ASPSCR1: variants seen among roughly 807,000 people sequenced by gnomAD.
The protein encoded by ASPSCR1 is ASPSCR1 tether for SLC2A4, UBX domain containing.
Under a neutral mutation model 68.9 loss-of-function variants are expected in ASPSCR1, and 55 were observed. That is an observed-to-expected ratio of 0.80 (90% CI 0.64 to 1.00). The LOEUF is 1.00. ASPSCR1 is among the 50% of genes least tolerant of loss of function. The probability of loss-of-function intolerance (pLI) is 0.00; values close to 1 mark genes in which losing one functional copy is unlikely to be tolerated. For missense variants in ASPSCR1, 765 were observed against 762.2 expected, an observed-to-expected ratio of 1.00 and a Z score of -0.04; for synonymous variants, 352 against 332.6, an observed-to-expected ratio of 1.06 and a Z score of -0.63.
At position 81,983,315 on chromosome 17, in the gene ASPSCR1, C is replaced by T. The variant is rs1173426256; in HGVS notation, c.159-239C>T. On this transcript the variant is annotated intron_variant, in intron 2 of 15. Transcript: ENST00000306739. The surrounding 1 kb of genome is among the most constrained non-coding windows in gnomAD (Gnocchi z 4.4). ...GAAGGAGCAGCCCCCTCGGCGTGCA[C>T]CGAGGCCCACATCTCCCTTTTTCCT... is the stretch of plus-strand genomic sequence containing the variant. Among the ~76,000 whole-genome samples, 1 of 152,186 alleles carries T rather than the reference C, an allele frequency of 6.6e-6. No homozygotes were observed. The highest frequency in any genetic ancestry group is 2.4e-5 in the African/African-American group (1 of 41,452).
chr17:81,996,307 C>T (rs2042335610), intron 6 of ASPSCR1, 113 bp from the exon 7 acceptor site: 1 of 1,464,522 alleles, frequency 6.8e-7, no homozygotes, highest in Admixed American at 2.6e-5. Flanking sequence ...AGAGGGTGAA[C>T]CGGGGGCGGG....
rs2042352098 is a variant in ASPSCR1 at position 81,996,646 on chromosome 17, T to C, written c.733T>C (p.Phe245Leu). Residue 245 changes from phenylalanine (F) to leucine (L), a missense_variant, in exon 7 of 16, where the codon TTC becomes CTC. Phe to Leu is a conservative substitution (Grantham distance 22, BLOSUM62 0). Coordinates refer to ENST00000306739, the MANE Select transcript of ASPSCR1 (RefSeq NM_024083.4). ...RAPAAAPFVPFSGGGQRLGGP... is the reference protein window; with the variant it reads ...RAPAAAPFVPLSGGGQRLGGP... Reference sequence around the variant, plus strand: ...ACCCGCAGCTGCCCCCTTTGTTCCTTTCTCGGGTGGGGGACAGAGACTGGG... The same window carrying C: ...ACCCGCAGCTGCCCCCTTTGTTCCTCTCTCGGGTGGGGGACAGAGACTGGG... 1 of 1,612,722 alleles carries C rather than the reference T, an allele frequency of 6.2e-7. No individual in the cohort carries two copies. Among genetic ancestry groups the C allele is most frequent in the Admixed American group, 1.7e-5 (1 of 59,798 alleles).
In ASPSCR1 at chr17:81,983,345, C is replaced by T. The variant is rs1008469062; in HGVS notation, c.159-209C>T. On this transcript the variant is annotated intron_variant, in intron 2 of 15. Transcript: ENST00000306739. This position sits in a 1 kb window ranked among gnomAD's most constrained non-coding sequence, Gnocchi z 4.4. Reference sequence around the variant, plus strand: ...GCCCACATCTCCCTTTTTCCTGCTCCCTTCTGCTTGCAGGAGGCCCCATAT... The same window carrying T: ...GCCCACATCTCCCTTTTTCCTGCTCTCTTCTGCTTGCAGGAGGCCCCATAT... Among the ~76,000 whole-genome samples the T allele has an allele frequency of 2.0e-5, 3 of 152,086 alleles. No homozygotes were observed. The highest frequency in any genetic ancestry group is 7.2e-5 in the African/African-American group (3 of 41,420).
intron 2 of ASPSCR1, among the ~76,000 whole-genome samples, chr17:81,979,651 A>G (rs1314018783): frequency 6.6e-6 from 1 of 151,958 alleles, no homozygotes; most frequent in Non-Finnish European, 1.5e-5. Context: ...GAGGACATTG[A>G]CCCATCTTTT....
intron 10 of ASPSCR1, 48 bp from the exon 11 acceptor site, chr17:82,011,491 CGGGG>C: frequency 6.5e-7 from 1 of 1,530,714 alleles, no homozygotes; most frequent in Non-Finnish European, 8.8e-7. Context: ...TGGGGCAGCC[CGGGG>C]CTGGCGTGGT....
In ASPSCR1 at chr17:82,009,531, G is replaced by A. The variant is rs776101192; in HGVS notation, c.1134G>A (p.Glu378=). Residue 378 remains glutamate (E), a synonymous_variant, in exon 9 of 16, where the codon GAG becomes GAA. Coordinates refer to ENST00000306739, the MANE Select transcript of ASPSCR1 (RefSeq NM_024083.4). ...EAPLVTKAFR[E]AQIKEKLERY... is the part of the protein sequence containing the mutation. ...CCTTGGTGACCAAGGCCTTCAGGGAGGCGCAGATAAAGGAGAAGCTGGAGC... is the reference window on the plus strand; with the variant it reads ...CCTTGGTGACCAAGGCCTTCAGGGAAGCGCAGATAAAGGAGAAGCTGGAGC... 11 of 1,587,390 alleles carry A rather than the reference G, an allele frequency of 6.9e-6. No homozygotes were observed. Among genetic ancestry groups the A allele is most frequent in the Non-Finnish European group, 9.4e-6 (11 of 1,167,048 alleles).
intron 7 of ASPSCR1, chr17:82,008,716 GGA>G (rs2042806814): frequency 3.4e-6 from 1 of 293,818 alleles, no homozygotes; most frequent in Admixed American, 5.2e-5. Context: ...TCCCCCCCAT[GGA>G]GACCCTGACG....
chr17:82,002,911 G>A (rs1306466690), intron 7 of ASPSCR1, among the ~76,000 whole-genome samples: 1 of 148,768 alleles, frequency 6.7e-6, no homozygotes, highest in Non-Finnish European at 1.5e-5. Context: ...GTCTGTCTAT[G>A]TTGCCTAGCC....
In ASPSCR1 at chr17:81,977,771, G is replaced by T; in HGVS notation, c.102+23G>T. ...CAGGTGCGGCCGCCCGCCCGGGGCGGACGGGTAGGCGGGCGGGGGGCGCTG... is the reference window on the plus strand; with the variant it reads ...CAGGTGCGGCCGCCCGCCCGGGGCGTACGGGTAGGCGGGCGGGGGGCGCTG... On this transcript the variant is annotated intron_variant, in intron 1 of 15. Transcript: ENST00000306739. This position sits in a 1 kb window ranked among gnomAD's most constrained non-coding sequence, Gnocchi z 5.0. 1 of 1,215,886 alleles carries T rather than the reference G, an allele frequency of 8.2e-7. No individual in the cohort carries two copies. The highest frequency in any genetic ancestry group is 3.9e-5 in the South Asian group (1 of 25,924). The allele number at this position is 1,215,886 out of a possible 1,614,324, so 75.3% of individuals were successfully genotyped here.
chr17:82,008,905 C>T, intron 7 of ASPSCR1, 132 bp from the exon 8 acceptor site: 2 of 1,298,346 alleles, frequency 1.5e-6, no homozygotes, highest in Non-Finnish European at 2.0e-6. Context: ...TGGCCCTGCG[C>T]TGGCCGGGGC....
intron 7 of ASPSCR1, among the ~76,000 whole-genome samples, chr17:82,001,894 C>T (rs1174888262): frequency 2.6e-5 from 4 of 152,082 alleles, no homozygotes; most frequent in South Asian, 4.2e-4. Flanking sequence ...CAGTGACACA[C>T]GCCTGCCACA....
chr17:82,009,552 G>A lies in ASPSCR1; in HGVS notation c.1155G>A (p.Leu385=), dbSNP rs751430083. The A allele has an allele frequency of 5.2e-6, 7 of 1,339,510 alleles. No homozygotes were observed. The highest frequency in any genetic ancestry group is 5.8e-6 in the Non-Finnish European group (6 of 1,034,162). The allele number at this position is 1,339,510 out of a possible 1,614,324, so 83.0% of individuals were successfully genotyped here. A position where few individuals can be genotyped will look rare whatever the true frequency, so the allele number is the denominator to read the frequency against. The change falls in exon 9 of 16, where the codon CTG becomes CTA. Residue 385 remains leucine (L), a synonymous_variant. Transcript: ENST00000306739. ...GGGAGGCGCAGATAAAGGAGAAGCT[G>A]GAGCGCTACCCAAAGGTCTGCAGAC... ...AFREAQIKEK[L]ERYPKVALRV... is the part of the protein sequence containing the mutation.
At chr17:82,008,660 A>C in intron 7 of ASPSCR1, 1 of 189,524 alleles carries the variant, frequency 5.3e-6, no homozygotes, top group Non-Finnish European at 1.1e-5. Context: ...GGGCAGCTGG[A>C]CTGGGGTTTT....
At chr17:82,011,836 C>T (rs959487777) in intron 11 of ASPSCR1, among the ~76,000 whole-genome samples, 1 of 152,154 alleles carries the variant, frequency 6.6e-6, no homozygotes, top group Non-Finnish European at 1.5e-5. Flanking sequence ...TCTCTCAGCG[C>T]CCTGCTCCCC....
At chr17:81,993,530 G>A (rs2144035070) in intron 4 of ASPSCR1, among the ~76,000 whole-genome samples, 1 of 152,280 alleles carries the variant, frequency 6.6e-6, no homozygotes, top group East Asian at 1.9e-4. Flanking sequence ...GCTCTTTCAA[G>A]TAGGTCAGCA....
chr17:82,002,851 C>T (rs2042580635), intron 7 of ASPSCR1, among the ~76,000 whole-genome samples: 1 of 151,996 alleles, frequency 6.6e-6, no homozygotes, highest in Admixed American at 6.6e-5. Flanking sequence ...AGCCACCGCG[C>T]CCGGCCTGTT....
rs137948411 is a variant in ASPSCR1, at chr17:82,013,414, C to T, written c.1353+1131C>T. ...GACGCTTGGCTTCCCTACCAGCCACCGTCTCCTGCCCTCCATCAGCTCGGC... is the reference window on the plus strand; with the variant it reads ...GACGCTTGGCTTCCCTACCAGCCACTGTCTCCTGCCCTCCATCAGCTCGGC... On this transcript the variant is annotated intron_variant, in intron 12 of 15. Coordinates refer to ENST00000306739, the MANE Select transcript of ASPSCR1 (RefSeq NM_024083.4). 7.0e-3 allele frequency: 1,063 copies of T among 152,346 alleles called. 5 individuals are homozygous for T. The highest frequency in any genetic ancestry group is 0.011 in the Non-Finnish European group (747 of 68,056). 9.4% of individuals were successfully genotyped at this position (152,346 alleles called of 1,614,324 possible).
At chr17:82,009,461 C>T in intron 8 of ASPSCR1, 25 bp from the exon 9 acceptor site, 1 of 1,557,418 alleles carries the variant, frequency 6.4e-7, no homozygotes, top group Non-Finnish European at 8.7e-7. Flanking sequence ...ACCAGAAGCC[C>T]TGTTCCTTCC....
chr17:81,985,154 A>C (rs1296239845), intron 3 of ASPSCR1, among the ~76,000 whole-genome samples: 1 of 128,942 alleles, frequency 7.8e-6, no homozygotes, highest in Non-Finnish European at 1.6e-5. Context: ...CTGCACGCAC[A>C]TGCGCACACC....
Sources: gnomAD v4.1 joint callset for allele counts (sites outside exome capture counted in the v4.1 genomes callset) on GRCh38, gnomAD v4.1.1 for gene constraint, Gnocchi (gnomAD v3.1) non-coding constraint, MANE v1.5 for transcripts, NCBI Gene and HGNC (gene_info 2026-07-23, HGNC 2026-07-21) for gene names.